Variants in ADAMTS6 observed in about 807,000 individuals in gnomAD.
The protein encoded by ADAMTS6 is A disintegrin and metalloproteinase with thrombospondin motifs 6.
Under a neutral mutation model 144.3 loss-of-function variants are expected in ADAMTS6, and 23 were observed. The ratio of observed to expected loss-of-function variants is 0.16; its 90% CI spans 0.11 to 0.23. The LOEUF (loss-of-function observed/expected upper bound fraction) is 0.23, where lower values mean the gene tolerates loss of function less well. ADAMTS6 is among the 10% of genes least tolerant of loss of function. The pLI is 1.00. For missense variants in ADAMTS6, 999 were observed against 1,379.6 expected (o/e 0.72, Z 4.37); for synonymous variants, 444 against 457.5 (o/e 0.97, Z 0.38).
chr5:65,316,589 AAAAG>A (rs1429367238), intron 9 of ADAMTS6, among the ~76,000 whole-genome samples: 1 of 152,210 alleles, frequency 6.6e-6, no homozygotes, highest in Non-Finnish European at 1.5e-5. Flanking sequence ...TAAGCTGCTT[AAAAG>A]AAATTCACTT....
intron 14 of ADAMTS6, among the ~76,000 whole-genome samples, chr5:65,254,319 C>T (rs1341872977): frequency 6.6e-6 from 1 of 152,002 alleles, no homozygotes; most frequent in Non-Finnish European, 1.5e-5. Flanking sequence ...CTAAAAATAG[C>T]AGGCATATGG....
At chr5:65,258,147 A>G (rs778625982) in intron 14 of ADAMTS6, among the ~76,000 whole-genome samples, 5 of 152,156 alleles carry the variant, frequency 3.3e-5, no homozygotes, top group Admixed American at 6.6e-5. Context: ...AGGGTAAGGA[A>G]GATTAGGAGT....
intron 7 of ADAMTS6, among the ~76,000 whole-genome samples, chr5:65,393,247 AGT>A (rs978120381): frequency 3.7e-4 from 57 of 152,316 alleles, no homozygotes; most frequent in African/African-American, 1.4e-3. Context: ...TGCTTAAAAA[AGT>A]GTGTAGGAAA....
intron 24 of ADAMTS6, among the ~76,000 whole-genome samples, chr5:65,156,942 C>T (rs1274889404): frequency 6.6e-6 from 1 of 152,202 alleles, no homozygotes; most frequent in African/African-American, 2.4e-5. Context: ...ATTATTCTCT[C>T]CTCTTTTTAC....
Position 65,199,438 on chromosome 5 carries a change from G to A in ADAMTS6, c.2576-2287C>T, listed in dbSNP as rs536036491. Among the ~76,000 whole-genome samples, 352 of 152,198 alleles carry A rather than the reference G, an allele frequency of 2.3e-3. 1 individual carries two copies. The highest frequency in any genetic ancestry group is 6.8e-3 in the Middle Eastern group (2 of 294). On this transcript the variant is annotated intron_variant, in intron 20 of 24. Coordinates refer to ENST00000381055, the MANE Select transcript of ADAMTS6 (RefSeq NM_197941.4). ...CCTCTGCAATTTGAATCATAGATGA[G>A]ATATGAGTTAGTAGAGCTGTGATTT...
At chr5:65,356,607 T>C (rs1174066094) in intron 7 of ADAMTS6, among the ~76,000 whole-genome samples, 2 of 151,960 alleles carry the variant, frequency 1.3e-5, no homozygotes, top group Non-Finnish European at 2.9e-5. Context: ...CCTTTTCTTG[T>C]TTAGCATTTA....
At chr5:65,397,876 TAAA>T (rs34170790) in intron 7 of ADAMTS6, among the ~76,000 whole-genome samples, 8 of 121,676 alleles carry the variant, frequency 6.6e-5, no homozygotes, top group Non-Finnish European at 5.1e-5. Flanking sequence ...GACCCTGTCT[TAAA>T]AAAAAAAAAA....
chr5:65,407,238 A>G (rs548922124), intron 7 of ADAMTS6, among the ~76,000 whole-genome samples: 1 of 152,258 alleles, frequency 6.6e-6, no homozygotes, highest in African/African-American at 2.4e-5. Flanking sequence ...CCAGAGAGAA[A>G]GGTCGGGTTA....
At chr5:65,237,805 G>A (rs1194688136) in intron 15 of ADAMTS6, among the ~76,000 whole-genome samples, 5 of 152,180 alleles carry the variant, frequency 3.3e-5, no homozygotes, top group African/African-American at 1.2e-4. Context: ...CTTGGTTTGA[G>A]GTTGGGCCTG....
intron 18 of ADAMTS6, among the ~76,000 whole-genome samples, chr5:65,223,164 G>A (rs758967701): frequency 2.6e-5 from 4 of 152,022 alleles, no homozygotes; most frequent in Non-Finnish European, 4.4e-5. Flanking sequence ...TCCATTTTGG[G>A]AAATATTTTC....
intron 14 of ADAMTS6, chr5:65,251,023 G>A (rs1244276476): frequency 6.6e-6 from 1 of 152,162 alleles, no homozygotes; most frequent in Non-Finnish European, 1.5e-5. Flanking sequence ...CTGCATGATA[G>A]TTTTAGGTCA....
intron 7 of ADAMTS6, among the ~76,000 whole-genome samples, chr5:65,353,922 A>T (rs1474973932): frequency 1.3e-5 from 2 of 151,978 alleles, no homozygotes; most frequent in African/African-American, 4.8e-5. Flanking sequence ...CAAATAGATT[A>T]TTAAATTGTT....
intron 15 of ADAMTS6, among the ~76,000 whole-genome samples, chr5:65,235,404 T>C (rs572925537): frequency 9.2e-5 from 14 of 152,210 alleles, no homozygotes; most frequent in Non-Finnish European, 2.1e-4. Flanking sequence ...TGATGGTTAA[T>C]ACAGAGTGTC....
intron 14 of ADAMTS6, among the ~76,000 whole-genome samples, chr5:65,246,107 T>A (rs1359249812): frequency 6.6e-6 from 1 of 152,144 alleles, no homozygotes; most frequent in Non-Finnish European, 1.5e-5. Flanking sequence ...TATATAAACA[T>A]CTACAGAAAA....
intron 15 of ADAMTS6, among the ~76,000 whole-genome samples, chr5:65,235,234 A>G (rs957720532): frequency 6.6e-6 from 1 of 152,232 alleles, no homozygotes; most frequent in African/African-American, 2.4e-5. Flanking sequence ...CAAAAAAGGT[A>G]AATATGTGAG....
chr5:65,478,039 A>T (rs776653958), intron 1 of ADAMTS6, among the ~76,000 whole-genome samples: 5 of 152,042 alleles, frequency 3.3e-5, no homozygotes, highest in African/African-American at 7.2e-5. Context: ...AGGCAAGAGA[A>T]TCACCTGATC....
chr5:65,451,469 C>A lies in ADAMTS6; in HGVS notation c.1073+6G>T. 2 of 1,612,318 alleles carry A rather than the reference C, an allele frequency of 1.2e-6. No individual in the cohort carries two copies. Among genetic ancestry groups the A allele is most frequent in the Middle Eastern group, 3.3e-4 (2 of 6,056 alleles). ...TCAATGGAAAAATACTTGCAACAAA[C>A]CATACCTAGTAATAAGAACTGCATT... On this transcript the variant is annotated splice_donor_region_variant and intron_variant, in intron 7 of 24. Transcript: ENST00000381055.
At chr5:65,434,691 T>C (rs1757252107) in intron 7 of ADAMTS6, among the ~76,000 whole-genome samples, 1 of 152,114 alleles carries the variant, frequency 6.6e-6, no homozygotes, top group South Asian at 2.1e-4. Context: ...GGTCCAATAA[T>C]AATAAAAAAA....
At chr5:65,204,891 T>C (rs1465965760) in intron 20 of ADAMTS6, among the ~76,000 whole-genome samples, 6 of 152,192 alleles carry the variant, frequency 3.9e-5, no homozygotes, top group South Asian at 4.1e-4. Flanking sequence ...GAATTTTTCT[T>C]TAAAACTAAC....
Sources: allele counts gnomAD v4.1 joint callset (sites outside exome capture counted in the v4.1 genomes callset), GRCh38; gene constraint gnomAD v4.1.1; transcripts MANE v1.5; gene names NCBI Gene and HGNC (gene_info 2026-07-23, HGNC 2026-07-21).